PINX1: variants seen among roughly 807,000 people sequenced by gnomAD.
The protein encoded by PINX1 is PIN2/TERF1-interacting telomerase inhibitor 1.
In PINX1, 34 loss-of-function variants were observed where a neutral mutation model predicts 25.4. The observed-to-expected ratio is 1.34, with a 90% CI of 1.02 to 1.78. The LOEUF (loss-of-function observed/expected upper bound fraction) is 1.78. PINX1 is among the 40% of genes most tolerant of loss of function. The pLI is 0.00. For synonymous variants in PINX1, 197 were observed against 147.7 expected (o/e 1.33, Z -2.42); for missense variants, 592 against 404.9 (o/e 1.46, Z -3.97).
intron 6 of PINX1, among the ~76,000 whole-genome samples, chr8:10,780,808 C>G (rs1321290941): frequency 1.3e-5 from 2 of 152,128 alleles, no homozygotes; most frequent in African/African-American, 2.4e-5. Context: ...TCAATGTAAT[C>G]TGCCAAAATC....
chr8:10,822,971 G>C (rs998581351), intron 5 of PINX1, among the ~76,000 whole-genome samples: 1 of 152,130 alleles, frequency 6.6e-6, no homozygotes, highest in East Asian at 1.9e-4. Context: ...CTTTTTAAAT[G>C]GCAAACACAC....
intron 6 of PINX1, among the ~76,000 whole-genome samples, chr8:10,788,299 C>G (rs972826833): frequency 2.0e-5 from 3 of 152,180 alleles, no homozygotes; most frequent in African/African-American, 7.2e-5. Flanking sequence ...CAGTGGCTCA[C>G]ATCTGTAATC....
intron 6 of PINX1, among the ~76,000 whole-genome samples, chr8:10,806,626 A>G (rs1395977718): frequency 6.6e-6 from 1 of 152,172 alleles, no homozygotes; most frequent in Non-Finnish European, 1.5e-5. Context: ...GAATACCCTG[A>G]GCCTAATGGC....
chr8:10,818,842 G>C (rs911833181), intron 6 of PINX1, among the ~76,000 whole-genome samples: 2 of 152,186 alleles, frequency 1.3e-5, no homozygotes, highest in African/African-American at 2.4e-5. Flanking sequence ...GGAGACGACT[G>C]AGAGAGTCAA....
intron 6 of PINX1, among the ~76,000 whole-genome samples, chr8:10,808,203 G>A (rs1445295935): frequency 6.6e-6 from 1 of 152,214 alleles, no homozygotes; most frequent in East Asian, 1.9e-4. Context: ...TTTGAGTGGT[G>A]TAAAGGCCCA....
intron 6 of PINX1, among the ~76,000 whole-genome samples, chr8:10,780,264 G>T (rs989290350): frequency 6.6e-6 from 1 of 152,102 alleles, no homozygotes; most frequent in Non-Finnish European, 1.5e-5. Context: ...GAACAGAAAT[G>T]GCAAGAATGG....
At chr8:10,772,114 C>A (rs1801245069) in intron 6 of PINX1, among the ~76,000 whole-genome samples, 1 of 152,248 alleles carries the variant, frequency 6.6e-6, no homozygotes. Flanking sequence ...AGAGACTGAA[C>A]TGTTCTTGCT....
intron 5 of PINX1, among the ~76,000 whole-genome samples, chr8:10,825,651 T>C (rs1399713181): frequency 1.3e-5 from 2 of 152,230 alleles, no homozygotes; most frequent in African/African-American, 4.8e-5. Flanking sequence ...GACTATGGAA[T>C]GCCTACGCTG....
At chr8:10,799,394 C>G (rs577381249) in intron 6 of PINX1, among the ~76,000 whole-genome samples, 1 of 152,288 alleles carries the variant, frequency 6.6e-6, no homozygotes. Context: ...CTGACAGTTG[C>G]TGGGGAAATG....
chr8:10,782,701 C>A (rs562561135), intron 6 of PINX1, among the ~76,000 whole-genome samples: 1 of 152,126 alleles, frequency 6.6e-6, no homozygotes, highest in African/African-American at 2.4e-5. Context: ...GTGCCACTAC[C>A]CTTCAACCTG....
chr8:10,825,113 G>A (rs953579456), intron 5 of PINX1, among the ~76,000 whole-genome samples: 4 of 152,248 alleles, frequency 2.6e-5, no homozygotes, highest in African/African-American at 4.8e-5. Flanking sequence ...GCTCTGCCAC[G>A]GCCTCTCACC....
intron 6 of PINX1, among the ~76,000 whole-genome samples, chr8:10,807,707 TTC>T (rs1385777203): frequency 6.6e-6 from 1 of 152,198 alleles, no homozygotes; most frequent in Non-Finnish European, 1.5e-5. Context: ...GAAAATGATT[TTC>T]AACTCAGAAT....
intron 6 of PINX1, among the ~76,000 whole-genome samples, chr8:10,775,387 G>C (rs2129072254): frequency 7.0e-6 from 1 of 142,074 alleles, no homozygotes; most frequent in East Asian, 2.2e-4. Context: ...CAGGGGTAAA[G>C]GATTAGTTCT....
At chr8:10,829,539 C>T (rs918123911) in intron 4 of PINX1, among the ~76,000 whole-genome samples, 1 of 152,132 alleles carries the variant, frequency 6.6e-6, no homozygotes, top group Non-Finnish European at 1.5e-5. Context: ...AATCGAGGTA[C>T]AGCCATGTTC....
chr8:10,771,972 T>C (rs1801238011), intron 6 of PINX1, among the ~76,000 whole-genome samples: 1 of 152,220 alleles, frequency 6.6e-6, no homozygotes, highest in Admixed American at 6.5e-5. Flanking sequence ...TTTCTCCTTC[T>C]GCTCTGTCAT....
At chr8:10,832,841 G>C (rs1798263046) in intron 3 of PINX1, 51 bp downstream of exon 3, 2 of 1,059,018 alleles carry the variant, frequency 1.9e-6, no homozygotes, top group Admixed American at 1.9e-5. Flanking sequence ...AGATTTACAA[G>C]ACTGAAGCCA....
chr8:10,819,383 A>C (rs1284152652), intron 6 of PINX1, among the ~76,000 whole-genome samples: 1 of 152,228 alleles, frequency 6.6e-6, no homozygotes, highest in Non-Finnish European at 1.5e-5. Context: ...GCTACAAACC[A>C]ATAAAAGATC....
chr8:10,834,799 T>A (rs773413665), intron 1 of PINX1, 24 bp from the exon 2 acceptor site: 30 of 1,551,956 alleles, frequency 1.9e-5, no homozygotes, highest in Non-Finnish European at 2.5e-5. Context: ...AGCATTATCA[T>A]CAGCAATGGA....
At chr8:10,782,100 C>T (rs1229912956) in intron 6 of PINX1, among the ~76,000 whole-genome samples, 1 of 152,146 alleles carries the variant, frequency 6.6e-6, no homozygotes, top group East Asian at 1.9e-4. Context: ...GAAAGAAAAA[C>T]ATTGCATGAT....
Sources: gnomAD v4.1 joint callset for allele counts (sites outside exome capture counted in the v4.1 genomes callset) on GRCh38, gnomAD v4.1.1 for gene constraint, MANE v1.5 for transcripts, NCBI Gene and HGNC (gene_info 2026-07-23, HGNC 2026-07-21) for gene names.